DYSF: variants seen among roughly 807,000 people sequenced by gnomAD.
DYSF encodes the protein dystrophy-associated fer-1-like 1.
In DYSF, 212 loss-of-function variants were observed where a neutral mutation model predicts 274.9. The observed-to-expected ratio is 0.77, with a 90% CI of 0.69 to 0.86. The LOEUF (loss-of-function observed/expected upper bound fraction) is 0.86, where lower values mean the gene tolerates loss of function less well. DYSF is among the 40% of genes least tolerant of loss of function. DYSF has a pLI of 0.00. For missense variants in DYSF, 2,666 were observed against 2,783.2 expected (o/e 0.96, Z 0.95); for synonymous variants, 1,091 against 1,078.7 (o/e 1.01, Z -0.22).
intron 46 of DYSF, 118 bp from the exon 47 acceptor site, chr2:71,665,044 A>C: frequency 6.6e-7 from 1 of 1,521,294 alleles, no homozygotes. Context: ...TGGGACACCC[A>C]CTGTAAAAGC....
In DYSF at chr2:71,634,119, G is replaced by A. The variant is rs186426244; in HGVS notation, c.4528-9846G>A. Among the ~76,000 whole-genome samples, 228 of 152,280 alleles carry A rather than the reference G, an allele frequency of 1.5e-3. 1 individual carries two copies. Among genetic ancestry groups the A allele is most frequent in the Non-Finnish European group, 2.5e-3 (172 of 68,026 alleles). On this transcript the variant is annotated intron_variant, in intron 41 of 55. Coordinates refer to ENST00000410020, the MANE Select transcript of DYSF (RefSeq NM_001130987.2). ...GAGGCTTCCAGTCCATGCCTTGGTC[G>A]GACTTACTGGGTTGGCTGACTGCAC...
At chr2:71,564,715 A>G (rs2091978572) in intron 24 of DYSF, among the ~76,000 whole-genome samples, 1 of 152,122 alleles carries the variant, frequency 6.6e-6, no homozygotes, top group Non-Finnish European at 1.5e-5. Context: ...CCCACTGGAG[A>G]GCTGGGAGCA....
intron 1 of DYSF, among the ~76,000 whole-genome samples, chr2:71,458,931 G>A (rs958224416): frequency 2.0e-5 from 3 of 152,202 alleles, no homozygotes; most frequent in Non-Finnish European, 2.9e-5. Flanking sequence ...AGGACTGTCT[G>A]ATTGTTTCCA....
At chr2:71,492,115 A>G (rs1224680154) in intron 3 of DYSF, among the ~76,000 whole-genome samples, 1 of 152,122 alleles carries the variant, frequency 6.6e-6, no homozygotes. Context: ...TTTGCCCTGG[A>G]TTCTATCCAG....
chr2:71,595,784 G>A (rs1259814458), intron 32 of DYSF, among the ~76,000 whole-genome samples: 2 of 152,202 alleles, frequency 1.3e-5, no homozygotes, highest in Admixed American at 6.5e-5. Context: ...GCTAGGGCAC[G>A]ATGTGCGCTG....
At chr2:71,555,076 G>A (rs1228893630) in intron 21 of DYSF, among the ~76,000 whole-genome samples, 1 of 151,174 alleles carries the variant, frequency 6.6e-6, no homozygotes, top group African/African-American at 2.4e-5. Flanking sequence ...TGGCTTGAAG[G>A]AAAGGTGGAC....
chr2:71,516,995 G>GA lies in DYSF; in HGVS notation c.959dup (p.Asp320GlufsTer40), dbSNP rs1559057405. The GA allele has an allele frequency of 2.5e-6, 4 of 1,614,182 alleles. No individual in the cohort carries two copies. Among genetic ancestry groups the GA allele is most frequent in the Non-Finnish European group, 3.4e-6 (4 of 1,180,028 alleles). On this transcript the variant is annotated frameshift_variant, in exon 10 of 56. Transcript: ENST00000410020. LOFTEE classifies it high-confidence loss of function. ...CCATGATCTTTCTCTGCAGGTGGTA[G>GA]ACTCTCGTTCTCTCAGGACAGATGC... is the stretch of plus-strand genomic sequence containing the variant.
intron 55 of DYSF, among the ~76,000 whole-genome samples, chr2:71,684,290 G>C (rs1202395865): frequency 6.6e-6 from 1 of 152,180 alleles, no homozygotes; most frequent in African/African-American, 2.4e-5. Flanking sequence ...TGCAGCATGA[G>C]CTGTTGCTGT....
At chr2:71,545,675 G>T (rs369728870) in intron 17 of DYSF, among the ~76,000 whole-genome samples, 38 of 152,114 alleles carry the variant, frequency 2.5e-4, no homozygotes, top group African/African-American at 8.9e-4. Context: ...CAGTGGTGGG[G>T]GCACACTGTG....
At chr2:71,477,159 T>A (rs1260189847) in intron 1 of DYSF, among the ~76,000 whole-genome samples, 1 of 152,116 alleles carries the variant, frequency 6.6e-6, no homozygotes, top group Non-Finnish European at 1.5e-5. Flanking sequence ...ATTTTATTAC[T>A]TGTCACAAGC....
intron 32 of DYSF, among the ~76,000 whole-genome samples, chr2:71,592,945 T>C (rs966283004): frequency 7.9e-5 from 12 of 152,158 alleles, no homozygotes; most frequent in African/African-American, 2.9e-4. Context: ...CCTAGAGATA[T>C]TGCCATCCAG....
chr2:71,559,898 T>G (rs2091607856), intron 22 of DYSF, among the ~76,000 whole-genome samples: 1 of 152,210 alleles, frequency 6.6e-6, no homozygotes, highest in African/African-American at 2.4e-5. Context: ...GTGAAATGAA[T>G]GCCCCGAGGC....
intron 55 of DYSF, 80 bp from the exon 56 acceptor site, chr2:71,686,373 GC>G: frequency 6.4e-7 from 1 of 1,571,378 alleles, no homozygotes; most frequent in Non-Finnish European, 8.7e-7. Flanking sequence ...CATCCTCTGA[GC>G]CCCAGGTCTG....
chr2:71,483,700 G>A (rs868164377), intron 3 of DYSF, among the ~76,000 whole-genome samples: 5 of 152,286 alleles, frequency 3.3e-5, no homozygotes, highest in South Asian at 2.1e-4. Flanking sequence ...CATCAGTTAG[G>A]CACGACTATT....
intron 40 of DYSF, 71 bp from the exon 41 acceptor site, chr2:71,620,476 T>C (rs1271746887): frequency 6.7e-7 from 1 of 1,503,708 alleles, no homozygotes; most frequent in Non-Finnish European, 9.1e-7. Flanking sequence ...GCGCTACCTC[T>C]TGGAGACTGT....
chr2:71,512,043 CT>C, intron 5 of DYSF, 122 bp downstream of exon 5: 1 of 697,220 alleles, frequency 1.4e-6, no homozygotes, highest in Non-Finnish European at 2.6e-6. Context: ...AGGTTGGAGG[CT>C]GCCCAGGCCT....
intron 41 of DYSF, among the ~76,000 whole-genome samples, chr2:71,627,761 C>T (rs1044500784): frequency 6.6e-6 from 1 of 152,172 alleles, no homozygotes; most frequent in East Asian, 1.9e-4. Context: ...TTTTCTCTCT[C>T]TATAGAGAAT....
At chr2:71,533,931 C>A (rs1310892249) in intron 14 of DYSF, among the ~76,000 whole-genome samples, 1 of 152,204 alleles carries the variant, frequency 6.6e-6, no homozygotes, top group Non-Finnish European at 1.5e-5. Flanking sequence ...ACTCTTTGCT[C>A]TTTCTTCCAC....
At chr2:71,497,524 T>G (rs2084526859) in intron 3 of DYSF, among the ~76,000 whole-genome samples, 1 of 152,192 alleles carries the variant, frequency 6.6e-6, no homozygotes, top group South Asian at 2.1e-4. Context: ...CCCCCATGAT[T>G]GTAAGTTTCC....
Sources: gnomAD v4.1 joint callset for allele counts (sites outside exome capture counted in the v4.1 genomes callset) on GRCh38, gnomAD v4.1.1 for gene constraint, MANE v1.5 for transcripts, NCBI Gene and HGNC (gene_info 2026-07-23, HGNC 2026-07-21) for gene names.